The following PDE4DIP variants were observed in gnomAD, a reference collection of about 807,000 sequenced individuals.
PDE4DIP encodes phosphodiesterase 4D interacting protein.
In PDE4DIP, 59 loss-of-function variants were observed where a neutral mutation model predicts 221.4. The ratio of observed to expected loss-of-function variants is 0.27; its 90% CI spans 0.22 to 0.33. PDE4DIP has a LOEUF of 0.33. Among genes scored for constraint, PDE4DIP ranks in the 10% least tolerant of loss-of-function variants. The pLI is 1.00. For missense variants in PDE4DIP, 1,036 were observed against 2,154.2 expected (o/e 0.48, Z 10.28); for synonymous variants, 404 against 815.9 (o/e 0.50, Z 8.60).
intron 43 of PDE4DIP, 119 bp downstream of exon 46, chr1:149,030,397 G>T: frequency 6.6e-7 from 1 of 1,521,260 alleles, no homozygotes; most frequent in Non-Finnish European, 8.8e-7. Context: ...AAGACTTGGG[G>T]TCCACTTGCA....
At chr1:149,029,908 A>C (rs1475855790) in exon 42 of PDE4DIP, 2 of 1,497,318 alleles carry the variant, frequency 1.3e-6, no homozygotes. Context: ...AGCATGGAGC[A>C]GTTCATCGTC....
intron 37 of PDE4DIP, 161 bp downstream of exon 40, chr1:149,021,314 A>G (rs2072810955): frequency 9.5e-6 from 6 of 633,760 alleles, no homozygotes; most frequent in Non-Finnish European, 1.7e-5. Context: ...TCTCAAACAC[A>G]AAGCCCAACG....
Position 148,846,504 on chromosome 1 carries a change from T to C in PDE4DIP, c.234-16746T>C, listed in dbSNP as rs2922975. On this transcript the variant is annotated intron_variant, in intron 1 of 45. Transcript: ENST00000524974. ...AGGCGAGGTGGCTCACGCCTGTAAT[T>C]GCAGTACTTTGGGAGGCTGAGGGGG... 6.8e-5 allele frequency among the ~76,000 whole-genome samples: 4 copies of C among 58,822 alleles called. 1 individual carries two copies. Among genetic ancestry groups the C allele is most frequent in the Non-Finnish European group, 9.2e-5 (3 of 32,534 alleles). 38.6% of individuals were successfully genotyped at this position (58,822 alleles called of 152,430 possible).
chr1:149,030,396 G>A (rs587608050), intron 43 of PDE4DIP, 118 bp downstream of exon 46: 44 of 1,521,252 alleles, frequency 2.9e-5, no homozygotes, highest in African/African-American at 2.2e-4. Flanking sequence ...GAAGACTTGG[G>A]GTCCACTTGC....
Position 148,963,748 on chromosome 1 carries a change from C to CTTTTTTTTTT in PDE4DIP, c.1194+1122_1194+1131dup, listed in dbSNP as rs66921099. Among the ~76,000 whole-genome samples, 17 of 89,164 alleles carry CTTTTTTTTTT rather than the reference C, an allele frequency of 1.9e-4. 1 individual carries two copies. In the East Asian group the frequency reaches 2.9e-3, roughly 15 times the overall value. The allele number at this position is 89,164 out of a possible 152,430, so 58.5% of individuals were successfully genotyped here. ...TTCTTTCCTCTCTCTTTCTTTCCTT[C>CTTTTTTTTTT]TTTTTTTTTTTTTTTTTTTTTTTGA... On this transcript the variant is annotated intron_variant, in intron 9 of 43. Transcript: ENST00000369354.
intron 40 of PDE4DIP, among the ~76,000 whole-genome samples, 195 bp from the exon 44 acceptor site, chr1:149,028,365 G>T (rs2075779880): frequency 6.7e-6 from 1 of 149,746 alleles, no homozygotes; most frequent in African/African-American, 2.5e-5. Context: ...TGAAAGCCTT[G>T]TGGGTTCTGC....
chr1:148,820,552 T>A (rs1171076329), intron 1 of PDE4DIP, among the ~76,000 whole-genome samples: 1 of 75,848 alleles, frequency 1.3e-5, no homozygotes, highest in African/African-American at 4.8e-5. Flanking sequence ...GGAAACTCCA[T>A]CTCAAAAAAA....
At chr1:148,896,074 G>A (rs1553441818) in intron 1 of PDE4DIP, among the ~76,000 whole-genome samples, 1 of 33,562 alleles carries the variant, frequency 3.0e-5, no homozygotes, top group East Asian at 6.8e-4. Flanking sequence ...ATCTTGGGGG[G>A]TTATCAAAAA....
At chr1:148,965,527 A>G (rs1553517368) in exon 10 of PDE4DIP, 3 of 1,612,998 alleles carry the variant, frequency 1.9e-6, no homozygotes, top group Non-Finnish European at 2.5e-6. Context: ...GAATTGCAGA[A>G]TAAGAGCCAA....
At chr1:149,025,325 C>T (rs1317206518) in intron 38 of PDE4DIP, among the ~76,000 whole-genome samples, 2 of 151,874 alleles carry the variant, frequency 1.3e-5, no homozygotes, top group Admixed American at 6.6e-5. Context: ...TTCTCTAGTC[C>T]CCCTTTCCCT....
At chr1:148,955,734 T>C (rs1326479412) in intron 5 of PDE4DIP, among the ~76,000 whole-genome samples, 2 of 152,164 alleles carry the variant, frequency 1.3e-5, no homozygotes, top group East Asian at 1.9e-4. Flanking sequence ...AATGAACACA[T>C]ATAAACTATG....
chr1:149,000,677 A>G (rs759566258), intron 23 of PDE4DIP, among the ~76,000 whole-genome samples: 5 of 151,824 alleles, frequency 3.3e-5, no homozygotes, highest in Non-Finnish European at 5.9e-5. Flanking sequence ...TGCTGTTGGT[A>G]TTTCTTAGGT....
intron 18 of PDE4DIP, 69 bp from the exon 22 acceptor site, chr1:148,978,209 C>T: frequency 7.2e-7 from 1 of 1,384,678 alleles, no homozygotes; most frequent in Non-Finnish European, 1.0e-6. Flanking sequence ...GACATTTGTT[C>T]CCGTGCTACT....
At chr1:148,978,467 C>CT (rs373352718) in intron 19 of PDE4DIP, 52 bp downstream of exon 22, 53,330 of 950,208 alleles carry the variant, frequency 0.056, 4 homozygotes, top group Middle Eastern at 0.081. Flanking sequence ...TTTTTGTATT[C>CT]TTTTTTTTTT....
At chr1:148,953,053 C>T (rs587686768) in intron 5 of PDE4DIP, 11 of 1,614,170 alleles carry the variant, frequency 6.8e-6, no homozygotes, top group Non-Finnish European at 9.3e-6. Context: ...GCCTCAAGTT[C>T]TGCATTGCCA....
At chr1:148,973,346 G>A (rs1553533178) in intron 16 of PDE4DIP, among the ~76,000 whole-genome samples, 1 of 150,354 alleles carries the variant, frequency 6.7e-6, no homozygotes, top group East Asian at 2.0e-4. Flanking sequence ...TAGCCAGGAT[G>A]GTCTCAATCT....
At chr1:148,974,911 CA>C (rs1295258045) in intron 17 of PDE4DIP, among the ~76,000 whole-genome samples, 1 of 85,012 alleles carries the variant, frequency 1.2e-5, no homozygotes, top group African/African-American at 4.1e-5. Flanking sequence ...TGCCTGTAAT[CA>C]CAGCACTTTG....
At chr1:148,889,175 C>T (rs1460919064), upstream of PDE4DIP, among the ~76,000 whole-genome samples, 2 of 152,010 alleles carry the variant, frequency 1.3e-5, no homozygotes, top group African/African-American at 4.8e-5. Context: ...CTTTGTGGGC[C>T]GTTTTATGTA....
chr1:148,844,605 A>C (rs11538400), intron 1 of PDE4DIP: 3,079 of 74,672 alleles, frequency 0.041, 155 homozygotes, highest in African/African-American at 0.13. Flanking sequence ...TCCATTTTCT[A>C]AAAAAGCAGG....
Sources: gnomAD v4.1 joint callset for allele counts (sites outside exome capture counted in the v4.1 genomes callset) on GRCh38, gnomAD v4.1.1 for gene constraint, MANE v1.5 for transcripts, NCBI Gene and HGNC (gene_info 2026-07-23, HGNC 2026-07-21) for gene names.